Variants in EHBP1 observed in about 807,000 individuals in gnomAD.
EHBP1 encodes the protein EH domain-binding protein 1.
Under a neutral mutation model 144.0 loss-of-function variants are expected in EHBP1, and 55 were observed. The observed-to-expected ratio is 0.38, with a 90% CI of 0.31 to 0.48. EHBP1 has a LOEUF of 0.48. Among genes scored for constraint, EHBP1 ranks in the 20% least tolerant of loss-of-function variants. The probability of loss-of-function intolerance (pLI) is 0.98; values close to 1 mark genes in which losing one functional copy is unlikely to be tolerated. For missense variants in EHBP1, 1,200 were observed against 1,364.2 expected (o/e 0.88, Z 1.90); for synonymous variants, 469 against 472.7 (o/e 0.99, Z 0.10).
intron 14 of EHBP1, among the ~76,000 whole-genome samples, chr2:62,965,679 G>C (rs1488695412): frequency 6.6e-6 from 1 of 152,170 alleles, no homozygotes; most frequent in African/African-American, 2.4e-5. Flanking sequence ...ATGCAGTCTT[G>C]TCAGTTGATG....
At chr2:62,983,681 C>T (rs534702615) in intron 15 of EHBP1, among the ~76,000 whole-genome samples, 3 of 152,232 alleles carry the variant, frequency 2.0e-5, no homozygotes, top group African/African-American at 7.2e-5. Context: ...GCTGGAATTA[C>T]AGGCACCCGG....
chr2:62,983,936 G>A (rs2153212292), intron 15 of EHBP1, among the ~76,000 whole-genome samples: 1 of 152,262 alleles, frequency 6.6e-6, no homozygotes, highest in African/African-American at 2.4e-5. Context: ...GAGAATGTCT[G>A]CATGATCCTT....
intron 5 of EHBP1, among the ~76,000 whole-genome samples, chr2:62,776,703 TAAC>T (rs1473259348): frequency 2.0e-5 from 3 of 152,214 alleles, no homozygotes; most frequent in African/African-American, 7.2e-5. Context: ...AATCTAGGAT[TAAC>T]AACAAGTATT....
chr2:62,767,596 A>T (rs1161862427), intron 4 of EHBP1, among the ~76,000 whole-genome samples: 1 of 151,984 alleles, frequency 6.6e-6, no homozygotes, highest in Non-Finnish European at 1.5e-5. Flanking sequence ...GCACTGTGGG[A>T]GGTTGAGGCA....
intron 5 of EHBP1, among the ~76,000 whole-genome samples, chr2:62,802,562 T>G (rs1489079807): frequency 2.0e-5 from 3 of 152,078 alleles, no homozygotes; most frequent in Non-Finnish European, 4.4e-5. Flanking sequence ...GAATAGATGA[T>G]TATTATAAAA....
chr2:62,887,614 C>T (rs1017415423), intron 10 of EHBP1, among the ~76,000 whole-genome samples: 1 of 151,704 alleles, frequency 6.6e-6, no homozygotes, highest in African/African-American at 2.4e-5. Flanking sequence ...GTGCCACACA[C>T]CTGTAGTCCC....
intron 8 of EHBP1, among the ~76,000 whole-genome samples, chr2:62,861,169 G>T (rs769633420): frequency 8.0e-6 from 1 of 125,622 alleles, no homozygotes; most frequent in African/African-American, 3.1e-5. Flanking sequence ...TCGCCCTGTC[G>T]CCCAGGCTGG....
chr2:62,771,238 T>G (rs369211113), intron 4 of EHBP1, 101 bp from the exon 5 acceptor site: 15 of 691,966 alleles, frequency 2.2e-5, no homozygotes, highest in African/African-American at 1.1e-4. Context: ...TTTTAAAAGC[T>G]AGTAAAAGCT....
intron 13 of EHBP1, 120 bp from the exon 14 acceptor site, chr2:62,955,397 A>G: frequency 1.1e-6 from 1 of 933,016 alleles, no homozygotes; most frequent in Admixed American, 3.2e-5. Flanking sequence ...TAATCTCATG[A>G]AGCTACAATC....
chr2:62,889,959 ATTT>A (rs1161025322), intron 10 of EHBP1, among the ~76,000 whole-genome samples: 2 of 129,442 alleles, frequency 1.5e-5, no homozygotes, highest in African/African-American at 2.9e-5. Flanking sequence ...TTCCATATGA[ATTT>A]TTTTTTTTTT....
chr2:62,983,152 T>G (rs2059041483), intron 15 of EHBP1, among the ~76,000 whole-genome samples: 1 of 152,240 alleles, frequency 6.6e-6, no homozygotes, highest in African/African-American at 2.4e-5. Context: ...TGGCCTCATT[T>G]TAAATTCCTC....
chr2:62,804,528 A>G (rs1266151941), intron 5 of EHBP1, among the ~76,000 whole-genome samples: 11 of 152,246 alleles, frequency 7.2e-5, no homozygotes, highest in Admixed American at 6.5e-4. Context: ...TAAAGAAAAA[A>G]CAGTGGAGAA....
intron 8 of EHBP1, among the ~76,000 whole-genome samples, chr2:62,863,135 T>C (rs895680894): frequency 6.6e-6 from 1 of 151,056 alleles, no homozygotes; most frequent in African/African-American, 2.4e-5. Flanking sequence ...ATACAAAAAT[T>C]AGCCAGGCGT....
At chr2:62,705,303 A>G (rs1394006011), upstream of EHBP1, among the ~76,000 whole-genome samples, 1 of 152,036 alleles carries the variant, frequency 6.6e-6, no homozygotes, top group African/African-American at 2.4e-5. Flanking sequence ...AGCGAAGCCA[A>G]TCTCTAGGTC....
At position 63,045,373 on chromosome 2, in the gene EHBP1, T is replaced by C. The variant is rs1375900263; in HGVS notation, c.3393-37T>C. The C allele has an allele frequency of 6.3e-7, 1 of 1,596,542 alleles. No homozygotes were observed. Among genetic ancestry groups the C allele is most frequent in the East Asian group, 2.2e-5 (1 of 44,786 alleles). On this transcript the variant is annotated intron_variant, in intron 22 of 22. Transcript: ENST00000431489. The surrounding 1 kb of genome is among the most constrained non-coding windows in gnomAD (Gnocchi z 5.7). ...CTCTGCCCTCCACGAAGAAAAATAATTTTGTTTCCTGTTTGTCCTGTTTGT... is the reference window on the plus strand; with the variant it reads ...CTCTGCCCTCCACGAAGAAAAATAACTTTGTTTCCTGTTTGTCCTGTTTGT...
intron 14 of EHBP1, among the ~76,000 whole-genome samples, chr2:62,958,335 G>C (rs1395597597): frequency 6.6e-6 from 1 of 152,092 alleles, no homozygotes; most frequent in Non-Finnish European, 1.5e-5. Context: ...CCAGACAAAT[G>C]AATAAACACA....
At chr2:62,721,495 C>T (rs938183855) in intron 2 of EHBP1, among the ~76,000 whole-genome samples, 24 of 152,180 alleles carry the variant, frequency 1.6e-4, no homozygotes, top group Non-Finnish European at 2.8e-4. Flanking sequence ...GTTTCATCTC[C>T]TGGAAGGAGA....
intron 7 of EHBP1, among the ~76,000 whole-genome samples, chr2:62,845,525 TGAA>T (rs1327262813): frequency 2.0e-5 from 3 of 152,096 alleles, no homozygotes; most frequent in Admixed American, 6.6e-5. Flanking sequence ...ACTAGGGCTA[TGAA>T]TGGAGATAAG....
At chr2:62,892,348 TGTG>T (rs1045797903) in intron 10 of EHBP1, among the ~76,000 whole-genome samples, 11 of 152,160 alleles carry the variant, frequency 7.2e-5, no homozygotes, top group Non-Finnish European at 1.5e-4. Context: ...TATAACTTCT[TGTG>T]GTAAATCTTC....
Sources: gnomAD v4.1 joint callset for allele counts (sites outside exome capture counted in the v4.1 genomes callset) on GRCh38, gnomAD v4.1.1 for gene constraint, Gnocchi (gnomAD v3.1) non-coding constraint, MANE v1.5 for transcripts, NCBI Gene and HGNC (gene_info 2026-07-23, HGNC 2026-07-21) for gene names.